The following LRRC28 variants were observed in gnomAD, a reference collection of about 807,000 sequenced individuals.
LRRC28 encodes leucine rich repeat containing 28, also known as leucine-rich repeat-containing protein 28.
A neutral mutation model predicts 45.7 loss-of-function variants in LRRC28; 39 were observed. The observed-to-expected ratio is 0.85, with a 90% confidence interval of 0.66 to 1.12. The LOEUF is 1.12. LRRC28 is among the 50% of genes most tolerant of loss of function. The probability of loss-of-function intolerance (pLI) is 0.00; values close to 1 mark genes in which losing one functional copy is unlikely to be tolerated. For missense variants in LRRC28, 435 were observed against 438.5 expected, an observed-to-expected ratio of 0.99 and a Z score of 0.07; for synonymous variants, 206 against 178.8, an observed-to-expected ratio of 1.15 and a Z score of -1.22.
intron 2 of LRRC28, among the ~76,000 whole-genome samples, chr15:99,263,335 A>G (rs2081251256): frequency 6.6e-6 from 1 of 151,714 alleles, no homozygotes; most frequent in Non-Finnish European, 1.5e-5. Context: ...AAAAAAAAAA[A>G]AAGAAGTAGT....
intron 6 of LRRC28, among the ~76,000 whole-genome samples, chr15:99,350,009 G>C (rs1365279016): frequency 6.6e-6 from 1 of 151,582 alleles, no homozygotes; most frequent in East Asian, 1.9e-4. Context: ...GGTGGCGGGC[G>C]CCTGTAGTCC....
At chr15:99,355,908 A>T (rs929212746) in intron 7 of LRRC28, among the ~76,000 whole-genome samples, 4 of 152,212 alleles carry the variant, frequency 2.6e-5, no homozygotes, top group Non-Finnish European at 5.9e-5. Flanking sequence ...TTAAACCAGT[A>T]TACTAAAAGT....
chr15:99,368,590 T>C (rs918312227), intron 9 of LRRC28, among the ~76,000 whole-genome samples: 7 of 152,184 alleles, frequency 4.6e-5, no homozygotes, highest in African/African-American at 1.4e-4. Flanking sequence ...TCTTTAAGTA[T>C]AACATATGTT....
At chr15:99,377,622 C>T (rs1387910465) in intron 9 of LRRC28, among the ~76,000 whole-genome samples, 1 of 152,092 alleles carries the variant, frequency 6.6e-6, no homozygotes, top group African/African-American at 2.4e-5. Context: ...TTGCCCATGC[C>T]TATGTCCTGA....
intron 5 of LRRC28, among the ~76,000 whole-genome samples, chr15:99,323,935 G>C (rs1358108720): frequency 2.6e-5 from 4 of 152,074 alleles, no homozygotes; most frequent in Non-Finnish European, 4.4e-5. Context: ...CTATTTGTAC[G>C]TACCAGAGTA....
Position 99,388,838 on chromosome 15 carries a change from TA to T in LRRC28, c.*2738del, listed in dbSNP as rs1958104347. On this transcript the variant is annotated 3_prime_UTR_variant, in exon 10 of 10. Transcript: ENST00000301981. ...CAGTGAACTCTTGTGTGGTTAGCGA[TA>T]AGTTTTAAAGTCCAGGATAGCCTCA... 2.6e-5 allele frequency: 4 copies of T among 152,352 alleles called. No individual in the cohort carries two copies. Among genetic ancestry groups the T allele is most frequent in the African/African-American group, 9.6e-5 (4 of 41,580 alleles). The allele number at this position is 152,352 out of a possible 1,614,324, so 9.4% of individuals were successfully genotyped here. A position where few individuals can be genotyped will look rare whatever the true frequency, so the allele number is the denominator to read the frequency against.
chr15:99,259,567 G>C (rs1304054887), intron 2 of LRRC28: 6 of 1,434,402 alleles, frequency 4.2e-6, no homozygotes, highest in Non-Finnish European at 5.9e-6. Context: ...TGGCCAGCCA[G>C]TACGGGTGGT....
chr15:99,329,968 A>C (rs565029917), intron 5 of LRRC28, among the ~76,000 whole-genome samples: 27 of 152,362 alleles, frequency 1.8e-4, no homozygotes, highest in African/African-American at 6.3e-4. Context: ...GCTTGCAAAA[A>C]ATATGTATGT....
intron 6 of LRRC28, among the ~76,000 whole-genome samples, chr15:99,352,026 T>TG (rs763624763): frequency 6.6e-6 from 1 of 152,058 alleles, no homozygotes; most frequent in South Asian, 2.1e-4. Flanking sequence ...ACCAAGGAGA[T>TG]GGGGGAGAAA....
rs147890910 is a variant in LRRC28 at position 99,260,120 on chromosome 15, C to T, written c.168+3995C>T. Reference sequence around the variant, plus strand: ...GTTTTGGATGCCCCCCACCAGTCCCCTTCTCCCCTGCACTGTAAAATGTGG... The same window carrying T: ...GTTTTGGATGCCCCCCACCAGTCCCTTTCTCCCCTGCACTGTAAAATGTGG... On this transcript the variant is annotated intron_variant, in intron 2 of 9. Coordinates refer to ENST00000301981, the MANE Select transcript of LRRC28 (RefSeq NM_144598.5). 1,373 of 432,416 alleles carry T rather than the reference C, an allele frequency of 3.2e-3. 20 individuals are homozygous for T. The highest frequency in any genetic ancestry group is 0.025 in the African/African-American group (1,253 of 49,342). The allele number at this position is 432,416 out of a possible 1,614,324, so 26.8% of individuals were successfully genotyped here.
chr15:99,381,304 T>A (rs1258904577), intron 9 of LRRC28, among the ~76,000 whole-genome samples: 5 of 152,256 alleles, frequency 3.3e-5, no homozygotes. Context: ...ACTGATACCC[T>A]TTCTTCCAGT....
intron 2 of LRRC28, chr15:99,257,960 A>G: frequency 2.5e-6 from 2 of 792,786 alleles, no homozygotes; most frequent in East Asian, 2.4e-5. Context: ...CGCTTTAGTT[A>G]AGATAAGGCT....
chr15:99,386,088 G>C lies in LRRC28; in HGVS notation c.1090G>C (p.Asp364His), dbSNP rs1403509799. The change falls in exon 10 of 10, where the codon GAC becomes CAC. Residue 364 changes from aspartate (D) to histidine (H), a missense_variant. Transcript: ENST00000301981. ...CCSTQCLQTF[D>H]LLS ...CTCCACCCAGTGTCTGCAGACTTTT[G>C]ACCTGCTGAGTTGATAAACACTCAA... The C allele has an allele frequency of 1.9e-6, 3 of 1,613,840 alleles. No individual in the cohort carries two copies. Among genetic ancestry groups the C allele is most frequent in the Non-Finnish European group, 1.7e-6 (2 of 1,179,928 alleles).
chr15:99,280,111 T>C (rs1478793747), intron 3 of LRRC28, among the ~76,000 whole-genome samples: 1 of 152,180 alleles, frequency 6.6e-6, no homozygotes, highest in East Asian at 1.9e-4. Context: ...CATCTTTTTT[T>C]GGTGAAATGC....
intron 5 of LRRC28, among the ~76,000 whole-genome samples, chr15:99,298,165 G>T (rs2152237104): frequency 6.6e-6 from 1 of 152,254 alleles, no homozygotes; most frequent in Middle Eastern, 3.4e-3. Context: ...TTTGTGAAAA[G>T]ATTTAAAAGC....
At chr15:99,311,802 A>G (rs750465973) in intron 5 of LRRC28, among the ~76,000 whole-genome samples, 2 of 152,206 alleles carry the variant, frequency 1.3e-5, no homozygotes, top group African/African-American at 4.8e-5. Context: ...AATATGATCT[A>G]TCGGATATGG....
intron 6 of LRRC28, among the ~76,000 whole-genome samples, chr15:99,339,954 A>G (rs1956451934): frequency 6.6e-6 from 1 of 152,256 alleles, no homozygotes; most frequent in South Asian, 2.1e-4. Context: ...CTTGTGCTAC[A>G]TAATGAAATG....
chr15:99,300,288 G>C (rs2082363084), intron 5 of LRRC28, among the ~76,000 whole-genome samples: 1 of 151,822 alleles, frequency 6.6e-6, no homozygotes, highest in Non-Finnish European at 1.5e-5. Context: ...AATGCTGAAA[G>C]ATATATATGG....
intron 9 of LRRC28, among the ~76,000 whole-genome samples, chr15:99,367,826 T>G (rs1341472339): frequency 2.6e-5 from 4 of 152,140 alleles, no homozygotes; most frequent in Non-Finnish European, 5.9e-5. Flanking sequence ...ATAGACATGA[T>G]TAATTAAACC....
Sources: allele counts gnomAD v4.1 joint callset (sites outside exome capture counted in the v4.1 genomes callset), GRCh38; gene constraint gnomAD v4.1.1; transcripts MANE v1.5; gene names NCBI Gene and HGNC (gene_info 2026-07-23, HGNC 2026-07-21).